Variants in FOXO1 observed in about 807,000 individuals in gnomAD.
FOXO1 encodes the protein forkhead box O1.
FOXO1 carries 6 observed loss-of-function variants against 44.1 expected under a neutral mutation model. The observed-to-expected ratio is 0.14, with a 90% CI of 0.07 to 0.27. The LOEUF (loss-of-function observed/expected upper bound fraction) is 0.27. Ranked by LOEUF, FOXO1 falls within the 10% of genes least tolerant of loss-of-function variation. The pLI is 1.00. For synonymous variants in FOXO1, 380 were observed against 362.7 expected (o/e 1.05, Z -0.54); for missense variants, 737 against 888.8 (o/e 0.83, Z 2.17).
intron 1 of FOXO1, among the ~76,000 whole-genome samples, chr13:40,600,371 G>C (rs979824213): frequency 6.6e-6 from 1 of 152,190 alleles, no homozygotes. Context: ...CACCACGGAA[G>C]TGCACAGGGG....
chr13:40,628,153 C>T (rs1412454646), intron 1 of FOXO1, among the ~76,000 whole-genome samples: 2 of 151,890 alleles, frequency 1.3e-5, no homozygotes, highest in African/African-American at 2.4e-5. Context: ...ATTCTTCAAA[C>T]TTACCACTTG....
Position 40,665,702 on chromosome 13 carries a change from T to C in FOXO1, c.511A>G (p.Lys171Glu), listed in dbSNP as rs1878212441. Residue 171 changes from lysine (K) to glutamate (E), a missense_variant, in exon 1 of 3, where the codon AAG (lysine) becomes GAG (glutamate). Lys to Glu is a moderately conservative substitution (Grantham distance 56). Around this residue, in one of 7 missense-constraint regions of FOXO1, gnomAD observed 3 missense variants for 28.2 expected, o/e 0.11. Coordinates refer to ENST00000379561, the MANE Select transcript of FOXO1 (RefSeq NM_002015.4). ...TTCTCCGCCGAGCTCTCGATGGCCT[T>C]GGTGATGAGGTCGGCGTAGGACAGG... ...GNLSYADLIT[K>E]AIESSAEKRL... 1.3e-6 allele frequency: 2 copies of C among 1,541,626 alleles called. No homozygotes were observed. The highest frequency in any genetic ancestry group is 1.4e-5 in the African/African-American group (1 of 70,746).
intron 1 of FOXO1, among the ~76,000 whole-genome samples, chr13:40,576,997 A>G (rs2995991): frequency 0.29 from 44,603 of 152,206 alleles, 8,308 homozygotes; most frequent in Middle Eastern, 0.44. Flanking sequence ...ATGGCCTACA[A>G]TGTAACCATG....
chr13:40,619,613 C>A (rs1876542622), intron 1 of FOXO1: 2 of 1,540,450 alleles, frequency 1.3e-6, no homozygotes, highest in Admixed American at 3.4e-5. Context: ...CAAAGGTCAT[C>A]TAGTCCTGTG....
At chr13:40,620,631 C>T in intron 1 of FOXO1, 2 of 402,442 alleles carry the variant, frequency 5.0e-6, no homozygotes, top group Admixed American at 6.5e-5. Context: ...TTACTGACAG[C>T]AGCCAGCACA....
At position 40,574,790 on chromosome 13, in the gene FOXO1, A is replaced by G. The variant is rs563836212; in HGVS notation, c.631-13930T>C. 1.7e-3 allele frequency among the ~76,000 whole-genome samples: 262 copies of G among 152,334 alleles called. 2 individuals carry two copies. The highest frequency in any genetic ancestry group is 5.9e-3 in the African/African-American group (246 of 41,576). On this transcript the variant is annotated intron_variant, in intron 1 of 2. Coordinates refer to ENST00000379561, the MANE Select transcript of FOXO1 (RefSeq NM_002015.4). Reference sequence around the variant, plus strand: ...ACTGCTGTTGACTGAACAAAGTGTAAAACAATCATTCTTCAGTGGTACCCT... The same window carrying G: ...ACTGCTGTTGACTGAACAAAGTGTAGAACAATCATTCTTCAGTGGTACCCT...
rs1232364332 is a variant in FOXO1 at position 40,666,131 on chromosome 13, G to A, written c.82C>T (p.Pro28Ser). 6.9e-7 allele frequency: 1 copy of A among 1,453,614 alleles called. No individual in the cohort carries two copies. The highest frequency in any genetic ancestry group is 1.3e-5 in the South Asian group (1 of 75,732). 90.0% of individuals were successfully genotyped at this position (1,453,614 alleles called of 1,614,324 possible). The change falls in exon 1 of 3, where the codon CCC becomes TCC. Residue 28 changes from proline to serine, a missense_variant. This residue lies in a region of FOXO1 where 213 missense variants were observed against 236.4 expected (regional missense o/e 0.90). Transcript: ENST00000379561. The part of the protein sequence containing the change: ...PRPRSCTWPL[P>S]RPEFSQSNSA... ...TTGGACTGGCTAAACTCCGGCCTGG[G>A]CAGCGGCCAGGTGCACGAGCGCGGC...
chr13:40,567,707 C>A lies in FOXO1; in HGVS notation c.631-6847G>T, dbSNP rs534513311. 1.8e-4 allele frequency among the ~76,000 whole-genome samples: 27 copies of A among 152,252 alleles called. No individual in the cohort carries two copies. In the East Asian group the frequency reaches 4.1e-3, roughly 23 times the overall value. On this transcript the variant is annotated intron_variant, in intron 1 of 2. Coordinates refer to ENST00000379561, the MANE Select transcript of FOXO1 (RefSeq NM_002015.4). ...CAATGTGGGCGGGCGTGGTGGCTCACACCTGTAATCCTGGCACTTTGGGAG... is the reference window on the plus strand; with the variant it reads ...CAATGTGGGCGGGCGTGGTGGCTCAAACCTGTAATCCTGGCACTTTGGGAG...
intron 1 of FOXO1, among the ~76,000 whole-genome samples, chr13:40,579,150 C>T (rs886493204): frequency 1.3e-5 from 2 of 152,146 alleles, no homozygotes; most frequent in African/African-American, 4.8e-5. Context: ...TAAAGGGCTA[C>T]GTATTGGTGA....
intron 1 of FOXO1, chr13:40,618,671 A>C: frequency 2.6e-6 from 1 of 378,448 alleles, no homozygotes; most frequent in Non-Finnish European, 5.1e-6. Context: ...AAACAATTGA[A>C]GGATGGATAC....
chr13:40,628,679 C>T (rs1876866614), intron 1 of FOXO1, among the ~76,000 whole-genome samples: 2 of 152,306 alleles, frequency 1.3e-5, no homozygotes, highest in South Asian at 4.1e-4. Flanking sequence ...GGGACATGGC[C>T]AACCTACTGA....
intron 1 of FOXO1, among the ~76,000 whole-genome samples, chr13:40,660,453 A>G (rs767782908): frequency 2.0e-5 from 3 of 152,246 alleles, no homozygotes; most frequent in Non-Finnish European, 4.4e-5. Context: ...GCTTCCCCAG[A>G]GAAATTCCAG....
At chr13:40,590,588 A>G (rs942984263) in intron 1 of FOXO1, among the ~76,000 whole-genome samples, 1 of 152,186 alleles carries the variant, frequency 6.6e-6, no homozygotes, top group Non-Finnish European at 1.5e-5. Flanking sequence ...AACTCACTCA[A>G]AAGTTTAGTT....
intron 1 of FOXO1, among the ~76,000 whole-genome samples, chr13:40,577,851 T>C (rs1390968433): frequency 2.0e-5 from 3 of 152,298 alleles, no homozygotes; most frequent in East Asian, 1.9e-4. Context: ...AAGGGTGATA[T>C]CCATGACCAG....
intron 1 of FOXO1, among the ~76,000 whole-genome samples, chr13:40,656,271 A>G (rs1877856732): frequency 6.6e-6 from 1 of 152,250 alleles, no homozygotes; most frequent in Admixed American, 6.5e-5. Context: ...AGCTAAGGCA[A>G]TATTAGAACT....
chr13:40,559,391 C>A (rs1168371159), intron 2 of FOXO1, 118 bp downstream of exon 2: 8 of 865,218 alleles, frequency 9.2e-6, no homozygotes, highest in Non-Finnish European at 1.4e-5. Context: ...ATAAAAGATC[C>A]CTCTCTGCAA....
chr13:40,622,590 T>C (rs1295202565), intron 1 of FOXO1, among the ~76,000 whole-genome samples: 1 of 151,942 alleles, frequency 6.6e-6, no homozygotes, highest in African/African-American at 2.4e-5. Context: ...CCAAAGAAAA[T>C]CCAAACAAAA....
rs1878253925 is a variant in FOXO1, at chr13:40,666,300, A to G, written c.-88T>C. Reference sequence around the variant, plus strand: ...GCGGACGGGGAGGGGGCGCGAAGGGACGGTCCGAGATTTGGGGGAACGAAG... The same window carrying G: ...GCGGACGGGGAGGGGGCGCGAAGGGGCGGTCCGAGATTTGGGGGAACGAAG... On this transcript the variant is annotated 5_prime_UTR_variant, in exon 1 of 3. Coordinates refer to ENST00000379561, the MANE Select transcript of FOXO1 (RefSeq NM_002015.4). The G allele has an allele frequency of 8.8e-7, 1 of 1,140,496 alleles. No individual in the cohort carries two copies. Among genetic ancestry groups the G allele is most frequent in the Non-Finnish European group, 1.1e-6 (1 of 879,380 alleles). The allele number at this position is 1,140,496 out of a possible 1,614,324, so 70.6% of individuals were successfully genotyped here.
chr13:40,613,794 T>G (rs976369855), intron 1 of FOXO1, among the ~76,000 whole-genome samples: 6 of 152,198 alleles, frequency 3.9e-5, no homozygotes, highest in Admixed American at 3.9e-4. Context: ...TTACACGGTC[T>G]CCCATCAGGA....
Sources: gnomAD v4.1 joint callset for allele counts (sites outside exome capture counted in the v4.1 genomes callset) on GRCh38, gnomAD v4.1.1 for gene constraint, gnomAD v4.1.1 regional missense constraint, MANE v1.5 for transcripts, NCBI Gene and HGNC (gene_info 2026-07-23, HGNC 2026-07-21) for gene names.